Variants in PRKCH observed in about 807,000 individuals in gnomAD.
PRKCH encodes protein kinase C eta type.
A neutral mutation model predicts 82.5 loss-of-function variants in PRKCH; 28 were observed. The observed-to-expected ratio is 0.34, with a 90% CI of 0.25 to 0.47. The LOEUF (loss-of-function observed/expected upper bound fraction) is 0.47. Among genes scored for constraint, PRKCH ranks in the 20% least tolerant of loss-of-function variants. The probability of loss-of-function intolerance (pLI) is 1.00; values close to 1 mark genes in which losing one functional copy is unlikely to be tolerated. For synonymous variants in PRKCH, 322 were observed against 327.4 expected (o/e 0.98, Z 0.18); for missense variants, 705 against 881.8 (o/e 0.80, Z 2.54).
At chr14:61,313,990 T>A (rs1260149261) in intron 1 of PRKCH, among the ~76,000 whole-genome samples, 5 of 152,182 alleles carry the variant, frequency 3.3e-5, no homozygotes, top group Admixed American at 1.3e-4. Context: ...AGCTAATTTT[T>A]AAAATTTCTT....
chr14:61,425,564 G>GAACT (rs1437304611), intron 2 of PRKCH, among the ~76,000 whole-genome samples: 1 of 152,212 alleles, frequency 6.6e-6, no homozygotes. Context: ...ATCTTGGAAG[G>GAACT]AACTAACTTG....
chr14:61,534,503 C>T (rs527856714), intron 12 of PRKCH, among the ~76,000 whole-genome samples: 6 of 152,260 alleles, frequency 3.9e-5, no homozygotes, highest in South Asian at 2.1e-4. Flanking sequence ...TCAAGAGTTC[C>T]TCATGTGAAT....
At chr14:61,455,700 C>T (rs1439704976) in intron 7 of PRKCH, among the ~76,000 whole-genome samples, 1 of 152,216 alleles carries the variant, frequency 6.6e-6, no homozygotes, top group Non-Finnish European at 1.5e-5. Flanking sequence ...GGACAGTGCA[C>T]TTGTCATTTG....
In PRKCH at chr14:61,336,202, G is replaced by A. The variant is rs566066239; in HGVS notation, c.363+13738G>A. Among the ~76,000 whole-genome samples the A allele has an allele frequency of 2.0e-4, 31 of 152,224 alleles. 1 individual carries two copies. Among genetic ancestry groups the A allele is most frequent in the Admixed American group, 7.2e-4 (11 of 15,284 alleles). On this transcript the variant is annotated intron_variant, in intron 1 of 13. Coordinates refer to ENST00000332981, the MANE Select transcript of PRKCH (RefSeq NM_006255.5). The stretch of plus-strand genomic sequence containing the variant: ...TTTTCTGAAGTTAACTTTGAAAGCA[G>A]TAAGATATTTATTTACATAGAATTC...
upstream of PRKCH, among the ~76,000 whole-genome samples, chr14:61,316,856 A>C (rs1401049845): frequency 6.6e-6 from 1 of 152,182 alleles, no homozygotes; most frequent in Non-Finnish European, 1.5e-5. Context: ...GTTGATGACC[A>C]TCTTCCCTGG....
intron 1 of PRKCH, among the ~76,000 whole-genome samples, chr14:61,268,776 C>G (rs963142239): frequency 5.3e-5 from 8 of 152,226 alleles, no homozygotes; most frequent in Admixed American, 2.6e-4. Flanking sequence ...AATGACTGTT[C>G]CAGTACAAGC....
intron 10 of PRKCH, among the ~76,000 whole-genome samples, chr14:61,514,955 C>T (rs1439038778): frequency 1.3e-5 from 2 of 152,140 alleles, no homozygotes. Flanking sequence ...GTGAACATGG[C>T]ACTTGGAGTT....
chr14:61,443,331 C>T, intron 3 of PRKCH, 70 bp downstream of exon 3: 1 of 1,435,266 alleles, frequency 7.0e-7, no homozygotes, highest in Non-Finnish European at 9.4e-7. Flanking sequence ...TTATGTATGA[C>T]TTCAGCAGAA....
At chr14:61,313,042 A>C (rs868645173) in intron 1 of PRKCH, among the ~76,000 whole-genome samples, 6 of 152,220 alleles carry the variant, frequency 3.9e-5, no homozygotes, top group Non-Finnish European at 7.3e-5. Context: ...AAGTGACCTA[A>C]AGGCAATTCC....
chr14:61,470,922 T>G (rs1393748717), intron 9 of PRKCH, among the ~76,000 whole-genome samples: 1 of 152,080 alleles, frequency 6.6e-6, no homozygotes, highest in Non-Finnish European at 1.5e-5. Flanking sequence ...GCTTCCTTGT[T>G]CTTCTGGCTC....
chr14:61,449,367 C>T (rs927693568), intron 5 of PRKCH, 115 bp downstream of exon 5: 1 of 864,476 alleles, frequency 1.2e-6, no homozygotes, highest in African/African-American at 1.7e-5. Flanking sequence ...CTCCCCGTCC[C>T]CAAACCTCTG....
chr14:61,504,558 T>G (rs565453849), intron 10 of PRKCH, among the ~76,000 whole-genome samples: 15 of 152,284 alleles, frequency 9.9e-5, no homozygotes, highest in African/African-American at 3.6e-4. Flanking sequence ...TTTCTACTTT[T>G]TTTTCTTTAA....
chr14:61,538,787 G>T (rs138797545), intron 12 of PRKCH, among the ~76,000 whole-genome samples: 1 of 152,184 alleles, frequency 6.6e-6, no homozygotes, highest in African/African-American at 2.4e-5. Context: ...ACTATCAAAG[G>T]TCAGTAATTT....
chr14:61,346,202 A>G (rs1004326426), intron 1 of PRKCH, among the ~76,000 whole-genome samples: 1 of 152,148 alleles, frequency 6.6e-6, no homozygotes, highest in African/African-American at 2.4e-5. Context: ...ATTTTTTTTT[A>G]GCAATTTAAT....
chr14:61,511,499 G>A (rs1313035491), intron 10 of PRKCH, among the ~76,000 whole-genome samples: 1 of 152,174 alleles, frequency 6.6e-6, no homozygotes, highest in Non-Finnish European at 1.5e-5. Context: ...TCACCTCTGA[G>A]GGCCTGGCAG....
rs376660714 is a variant in PRKCH, at chr14:61,549,271, G to A, written c.1906-414G>A. ...TCTCTTCAAATGTCTAGAACTCTGC[G>A]CAAACAATAGGTAGGACAAGTGTGA... On this transcript the variant is annotated intron_variant, in intron 13 of 13. Transcript: ENST00000332981. 1.7e-4 allele frequency among the ~76,000 whole-genome samples: 26 copies of A among 152,328 alleles called. No homozygotes were observed. The East Asian group carries it at 2.1e-3, about 12-fold the overall frequency.
intron 10 of PRKCH, among the ~76,000 whole-genome samples, chr14:61,522,101 C>A (rs1220534813): frequency 6.6e-6 from 1 of 152,190 alleles, no homozygotes; most frequent in African/African-American, 2.4e-5. Context: ...AAAATAAATT[C>A]TGTGATCCAG....
At chr14:61,523,189 G>A (rs193004237) in intron 10 of PRKCH, among the ~76,000 whole-genome samples, 229 of 152,298 alleles carry the variant, frequency 1.5e-3, no homozygotes, top group Middle Eastern at 3.4e-3. Context: ...GAGATTTGCT[G>A]TGCACTCCCC....
At chr14:61,325,252 T>C (rs971536773) in intron 1 of PRKCH, among the ~76,000 whole-genome samples, 1 of 152,156 alleles carries the variant, frequency 6.6e-6, no homozygotes, top group Non-Finnish European at 1.5e-5. Context: ...TAATGTGATA[T>C]TGGAATAAAG....
Sources: allele counts gnomAD v4.1 joint callset (sites outside exome capture counted in the v4.1 genomes callset), GRCh38; gene constraint gnomAD v4.1.1; transcripts MANE v1.5; gene names NCBI Gene and HGNC (gene_info 2026-07-23, HGNC 2026-07-21).